PRH1: variants seen among roughly 807,000 people sequenced by gnomAD.
PRH1 encodes salivary acidic proline-rich phosphoprotein 1/2.
In PRH1, 7 loss-of-function variants were observed where a neutral mutation model predicts 7.9. That is an observed-to-expected ratio of 0.89 (90% CI 0.50 to 1.67). The LOEUF (loss-of-function observed/expected upper bound fraction) is 1.67, where lower values mean the gene tolerates loss of function less well. Among genes scored for constraint, PRH1 ranks in the 40% most tolerant of loss-of-function variants. The probability of loss-of-function intolerance (pLI) is 0.00; values close to 1 mark genes in which losing one functional copy is unlikely to be tolerated. For synonymous variants in PRH1, 45 were observed against 80.8 expected, an observed-to-expected ratio of 0.56 and a Z score of 2.38; for missense variants, 109 against 223.6, an observed-to-expected ratio of 0.49 and a Z score of 3.27.
rs1347398223 is a variant in PRH1, at chr12:11,092,494, T to C, written n.124-45306A>G. On this transcript the variant is annotated intron_variant and non_coding_transcript_variant, in intron 1 of 4. Coordinates refer to the PRH1 transcript ENST00000541977. ...CTGAAGCCATGAGCTTTTATTCCCT[T>C]ATTTGTCCCCTCCCATTTTCCTTTT... Among the ~76,000 whole-genome samples, 2 of 115,190 alleles carry C rather than the reference T, an allele frequency of 1.7e-5. 1 individual carries two copies. The highest frequency in any genetic ancestry group is 5.8e-5 in the African/African-American group (2 of 34,348). 75.6% of individuals were successfully genotyped at this position (115,190 alleles called of 152,430 possible).
At chr12:11,127,046 T>C (rs1946156099) in intron 1 of PRH1, among the ~76,000 whole-genome samples, 1 of 152,212 alleles carries the variant, frequency 6.6e-6, no homozygotes, top group Non-Finnish European at 1.5e-5. Context: ...GATTTCTGAC[T>C]GTGCAATAAC....
chr12:10,990,484 CCAGGCATTTTAGGACAGA>C, intron 1 of PRH1, among the ~76,000 whole-genome samples: 1 of 152,102 alleles, frequency 6.6e-6, no homozygotes, highest in Non-Finnish European at 1.5e-5. Context: ...CATGGGATAG[CCAGGCATTTTAGGACAGA>C]CAGGCAGACA....
At chr12:11,136,553 T>G in intron 1 of PRH1, among the ~76,000 whole-genome samples, 1 of 151,942 alleles carries the variant, frequency 6.6e-6, no homozygotes, top group East Asian at 1.9e-4. Context: ...TTCAAGTAAA[T>G]TTACTCCTGT....
chr12:10,959,341 G>A (rs910449415), intron 2 of PRH1, among the ~76,000 whole-genome samples: 1 of 5,136 alleles, frequency 1.9e-4, no homozygotes, highest in African/African-American at 2.1e-4. Flanking sequence ...TTAGAGAAAG[G>A]ATTCGGAGAC....
chr12:10,929,998 C>A (rs1231592886), intron 2 of PRH1, among the ~76,000 whole-genome samples: 2 of 152,084 alleles, frequency 1.3e-5, no homozygotes, highest in Non-Finnish European at 2.9e-5. Flanking sequence ...TACTCAAGAG[C>A]CCTTTAACTA....
chr12:11,144,166 C>G (rs1378857919), intron 1 of PRH1, among the ~76,000 whole-genome samples: 5 of 152,094 alleles, frequency 3.3e-5, no homozygotes, highest in Non-Finnish European at 7.4e-5. Flanking sequence ...ATTATATACC[C>G]TTTGTCTTCC....
intron 1 of PRH1, among the ~76,000 whole-genome samples, chr12:11,168,200 C>CA (rs200680037): frequency 2.8e-5 from 1 of 36,328 alleles, no homozygotes; most frequent in Non-Finnish European, 7.9e-5. Context: ...TGGCAAAAAA[C>CA]GAAAGAAAGA....
At chr12:11,070,719 G>T (rs1172244397) in intron 1 of PRH1, among the ~76,000 whole-genome samples, 2 of 150,614 alleles carry the variant, frequency 1.3e-5, no homozygotes, top group African/African-American at 2.4e-5. Context: ...CCAGATATTG[G>T]CCACCCCAGC....
At chr12:11,119,134 G>C (rs1029275335), downstream of PRH1, among the ~76,000 whole-genome samples, 1 of 151,816 alleles carries the variant, frequency 6.6e-6, no homozygotes, top group African/African-American at 2.4e-5. Flanking sequence ...ATGTTAAGTT[G>C]AATAAGTAAA....
At chr12:10,965,244 T>C (rs1938445959) in intron 2 of PRH1, 2 of 1,478,036 alleles carry the variant, frequency 1.4e-6, no homozygotes, top group Non-Finnish European at 1.8e-6. Context: ...TTTTGTCTCT[T>C]GACCCACTCA....
intron 1 of PRH1, chr12:11,022,175 G>C: frequency 7.4e-6 from 12 of 1,614,014 alleles, no homozygotes; most frequent in Non-Finnish European, 1.0e-5. Flanking sequence ...GGCCCCAACA[G>C]TATCACCAGA....
At chr12:11,137,740 G>C (rs1175382206) in intron 1 of PRH1, among the ~76,000 whole-genome samples, 1 of 152,096 alleles carries the variant, frequency 6.6e-6, no homozygotes, top group Non-Finnish European at 1.5e-5. Context: ...GTTTACTCCT[G>C]TAACTTTCCA....
intron 2 of PRH1, among the ~76,000 whole-genome samples, chr12:10,949,877 T>G (rs1441627113): frequency 1.3e-5 from 2 of 152,176 alleles, no homozygotes; most frequent in African/African-American, 4.8e-5. Context: ...CCAGTTGTTA[T>G]GATAATCACT....
chr12:10,958,229 T>A (rs1257821259), intron 2 of PRH1, among the ~76,000 whole-genome samples: 2 of 151,848 alleles, frequency 1.3e-5, no homozygotes, highest in East Asian at 3.8e-4. Flanking sequence ...TACTATGCAG[T>A]CATTAGAAAA....
At chr12:10,902,615 C>A (rs1949738614) in intron 2 of PRH1, among the ~76,000 whole-genome samples, 1 of 152,010 alleles carries the variant, frequency 6.6e-6, no homozygotes. Context: ...TTAAAGGCAG[C>A]TAGAGAAAAA....
intron 2 of PRH1, chr12:10,897,040 T>C (rs368802376): frequency 1.3e-5 from 2 of 152,148 alleles, no homozygotes; most frequent in Non-Finnish European, 2.9e-5. Context: ...CAAACCCACA[T>C]GCAGAGGCCA....
At chr12:11,003,094 A>G (rs1940667891) in intron 1 of PRH1, among the ~76,000 whole-genome samples, 1 of 152,054 alleles carries the variant, frequency 6.6e-6, no homozygotes, top group Non-Finnish European at 1.5e-5. Flanking sequence ...ATTAGCATTA[A>G]GAATGTGGAT....
At chr12:10,942,563 T>C (rs1950419481) in intron 2 of PRH1, among the ~76,000 whole-genome samples, 1 of 152,070 alleles carries the variant, frequency 6.6e-6, no homozygotes, top group African/African-American at 2.4e-5. Flanking sequence ...CCACCATGCC[T>C]CCCCAATGGC....
At chr12:10,891,717 G>A (rs1949575794) in intron 2 of PRH1, 2 of 152,184 alleles carry the variant, frequency 1.3e-5, no homozygotes, top group African/African-American at 4.8e-5. Flanking sequence ...AGTAGTCAGA[G>A]GAATATCATC....
Sources: gnomAD v4.1 joint callset for allele counts (sites outside exome capture counted in the v4.1 genomes callset) on GRCh38, gnomAD v4.1.1 for gene constraint, MANE v1.5 for transcripts, NCBI Gene and HGNC (gene_info 2026-07-23, HGNC 2026-07-21) for gene names.